Variants in NEK6 observed in about 807,000 individuals in gnomAD.
NEK6 encodes the protein serine/threonine-protein kinase Nek6.
NEK6 carries 27 observed loss-of-function variants against 43.5 expected under a neutral mutation model. The observed-to-expected ratio is 0.62, with a 90% CI of 0.46 to 0.86. The LOEUF (loss-of-function observed/expected upper bound fraction) is 0.86. Ranked by LOEUF, NEK6 falls within the 40% of genes least tolerant of loss-of-function variation. The probability of loss-of-function intolerance (pLI) is 0.00; values close to 1 mark genes in which losing one functional copy is unlikely to be tolerated. For missense variants in NEK6, 318 were observed against 414.4 expected, an observed-to-expected ratio of 0.77 and a Z score of 2.02; for synonymous variants, 167 against 164.1, an observed-to-expected ratio of 1.02 and a Z score of -0.14.
At chr9:124,329,507 G>A (rs907847589) in intron 7 of NEK6, among the ~76,000 whole-genome samples, 1 of 152,228 alleles carries the variant, frequency 6.6e-6, no homozygotes, top group African/African-American at 2.4e-5. Context: ...GGAGAAGGCC[G>A]CCCTCATAAG....
rs775079558 is a variant in NEK6 at position 124,326,452 on chromosome 9, G to T, written c.514+14G>T. ...TGATGCACCGAGGTACGTGCCACCC[G>T]CCAGGAGCCGCCCGGAGCCACCTGG... On this transcript the variant is annotated intron_variant, in intron 6 of 9. Transcript: ENST00000320246. This position sits in a 1 kb window ranked among gnomAD's most constrained non-coding sequence, Gnocchi z 4.5. The T allele has an allele frequency of 5.3e-6, 7 of 1,313,482 alleles. No individual in the cohort carries two copies. Among genetic ancestry groups the T allele is most frequent in the East Asian group, 7.0e-5 (1 of 14,360 alleles). 81.4% of individuals were successfully genotyped at this position (1,313,482 alleles called of 1,614,324 possible).
chr9:124,292,462 G>A, intron 1 of NEK6: 5 of 1,537,050 alleles, frequency 3.3e-6, no homozygotes, highest in Non-Finnish European at 4.4e-6. Context: ...GAGAAAATTA[G>A]GGGAGGCCAC....
intron 1 of NEK6, among the ~76,000 whole-genome samples, chr9:124,288,329 C>T (rs112259079): frequency 0.019 from 2,835 of 152,192 alleles, 83 homozygotes; most frequent in African/African-American, 0.062. Context: ...TGCAGTGGCG[C>T]GACCTCAATT....
At chr9:124,262,939 G>T (rs1416830434) in intron 1 of NEK6, 1 of 152,372 alleles carries the variant, frequency 6.6e-6, no homozygotes, top group East Asian at 1.9e-4. Flanking sequence ...GGCTTGCGGG[G>T]TGGGTCATGT....
At position 124,351,161 on chromosome 9, in the gene NEK6, CCTTT is replaced by C. The variant is rs1830256486; in HGVS notation, c.*219_*222del. 3.9e-6 allele frequency: 2 copies of C among 517,060 alleles called. No homozygotes were observed. The highest frequency in any genetic ancestry group is 3.3e-5 in the Admixed American group (1 of 30,640). 32.0% of individuals were successfully genotyped at this position (517,060 alleles called of 1,614,324 possible). ...GTCACTGATGGTCAGATTCCAAAGT[CCTTT>C]CTTTATACTGTTGTGGACAATCTCA... On this transcript the variant is annotated 3_prime_UTR_variant, in exon 10 of 10. Transcript: ENST00000320246.
At chr9:124,268,778 G>T (rs990444218) in intron 1 of NEK6, among the ~76,000 whole-genome samples, 2 of 152,206 alleles carry the variant, frequency 1.3e-5, no homozygotes, top group African/African-American at 4.8e-5. Flanking sequence ...GTGAGATCGC[G>T]TGGTTGGCTA....
rs568934976 is a variant in NEK6 at position 124,265,502 on chromosome 9, A to G, written c.-30+7417A>G. 2.6e-5 allele frequency: 4 copies of G among 152,206 alleles called. 1 individual carries two copies. In the South Asian group the frequency reaches 8.3e-4, roughly 32 times the overall value. The allele number at this position is 152,206 out of a possible 1,614,324, so 9.4% of individuals were successfully genotyped here. On this transcript the variant is annotated intron_variant, in intron 1 of 9. Transcript: ENST00000320246. ...GCGCCACTGCACTCCAGCTTGGGCA[A>G]TAGAGTGAGACTCCGTCTCAAAAAA...
intron 1 of NEK6, among the ~76,000 whole-genome samples, chr9:124,284,827 G>A (rs981670226): frequency 2.6e-5 from 4 of 152,190 alleles, no homozygotes; most frequent in African/African-American, 9.7e-5. Context: ...CCAACTCCAG[G>A]CTGGCACCAG....
chr9:124,304,544 C>T (rs1290185401), intron 2 of NEK6, among the ~76,000 whole-genome samples: 2 of 152,222 alleles, frequency 1.3e-5, no homozygotes, highest in African/African-American at 2.4e-5. Flanking sequence ...TTACTGTAAA[C>T]ATCCAACACA....
intron 2 of NEK6, among the ~76,000 whole-genome samples, chr9:124,305,564 A>AG (rs1319827647): frequency 3.0e-4 from 46 of 151,734 alleles, no homozygotes; most frequent in Admixed American, 5.2e-4. Context: ...AAAAAAAAAA[A>AG]AAAAAGAAAA....
chr9:124,277,682 A>G (rs1831701354), intron 1 of NEK6, among the ~76,000 whole-genome samples: 1 of 152,010 alleles, frequency 6.6e-6, no homozygotes. Context: ...CTAAATTCCT[A>G]TTTCTGCGTG....
chr9:124,340,753 C>T (rs957917712), intron 8 of NEK6, among the ~76,000 whole-genome samples: 3 of 152,232 alleles, frequency 2.0e-5, no homozygotes, highest in East Asian at 3.9e-4. Flanking sequence ...CAGTGATGCT[C>T]AGGACAGCGT....
chr9:124,265,762 A>T (rs564817206), intron 1 of NEK6: 3 of 152,232 alleles, frequency 2.0e-5, no homozygotes, highest in African/African-American at 7.2e-5. Flanking sequence ...CCATTGTCCT[A>T]TGGGCTAAGT....
chr9:124,347,960 G>A, intron 9 of NEK6, 138 bp downstream of exon 9: 1 of 551,536 alleles, frequency 1.8e-6, no homozygotes, highest in Non-Finnish European at 3.2e-6. Flanking sequence ...TTCTGGAAAA[G>A]TGACTTGGAG....
Position 124,326,308 on chromosome 9 carries a change from C to G in NEK6, c.406-22C>G. 3 of 1,588,790 alleles carry G rather than the reference C, an allele frequency of 1.9e-6. No homozygotes were observed. The highest frequency in any genetic ancestry group is 2.6e-6 in the Non-Finnish European group (3 of 1,162,316). Reference sequence around the variant, plus strand: ...AGCCCGCTCACCCGGGCCTATCCCTCTGCTTGTCTCCCCCACTGCAGTACT... The same window carrying G: ...AGCCCGCTCACCCGGGCCTATCCCTGTGCTTGTCTCCCCCACTGCAGTACT... On this transcript the variant is annotated intron_variant, in intron 5 of 9. Transcript: ENST00000320246. This position sits in a 1 kb window ranked among gnomAD's most constrained non-coding sequence, Gnocchi z 4.5.
intron 2 of NEK6, among the ~76,000 whole-genome samples, chr9:124,308,351 A>G (rs562769790): frequency 6.6e-6 from 1 of 152,308 alleles, no homozygotes; most frequent in South Asian, 2.1e-4. Flanking sequence ...GACAGTGAGC[A>G]ACAGAAACCA....
chr9:124,271,336 C>T (rs891983546), intron 1 of NEK6, among the ~76,000 whole-genome samples: 1 of 152,240 alleles, frequency 6.6e-6, no homozygotes, highest in Non-Finnish European at 1.5e-5. Context: ...GGGTGAGGAG[C>T]TTGGATTCCA....
chr9:124,273,803 C>T (rs77121514), intron 1 of NEK6, among the ~76,000 whole-genome samples: 165 of 152,240 alleles, frequency 1.1e-3, no homozygotes, highest in Non-Finnish European at 1.1e-3. Context: ...TTCCCATTTA[C>T]GGGTTTTTTT....
chr9:124,312,425 T>C, intron 2 of NEK6, 84 bp from the exon 3 acceptor site: 1 of 1,441,214 alleles, frequency 6.9e-7, no homozygotes, highest in African/African-American at 1.4e-5. Flanking sequence ...GAGGGTGCTG[T>C]TGGGGTGCTG....
Sources: gnomAD v4.1 joint callset for allele counts (sites outside exome capture counted in the v4.1 genomes callset) on GRCh38, gnomAD v4.1.1 for gene constraint, Gnocchi (gnomAD v3.1) non-coding constraint, MANE v1.5 for transcripts, NCBI Gene and HGNC (gene_info 2026-07-23, HGNC 2026-07-21) for gene names.